Variants in LRP1B observed in about 807,000 individuals in gnomAD.
LRP1B encodes the protein low-density lipoprotein receptor-related protein 1B.
LRP1B carries 217 observed loss-of-function variants against 556.6 expected under a neutral mutation model. That is an observed-to-expected ratio of 0.39 (90% CI 0.35 to 0.44). LRP1B has a LOEUF of 0.44. LRP1B is among the 20% of genes least tolerant of loss of function. The pLI, the probability that LRP1B is intolerant of heterozygous loss-of-function variation, is 1.00. For missense variants in LRP1B, 5,053 were observed against 5,620.8 expected (o/e 0.90, Z 3.23); for synonymous variants, 2,047 against 1,865.8 (o/e 1.10, Z -2.50).
At chr2:141,228,072 G>A (rs187766289) in intron 6 of LRP1B, among the ~76,000 whole-genome samples, 7 of 152,162 alleles carry the variant, frequency 4.6e-5, no homozygotes, top group Admixed American at 3.3e-4. Flanking sequence ...GATTAAAGGC[G>A]TGCACCAGCA....
chr2:141,214,549 G>C (rs989775572), intron 6 of LRP1B, among the ~76,000 whole-genome samples: 2 of 152,152 alleles, frequency 1.3e-5, no homozygotes, highest in Non-Finnish European at 2.9e-5. Flanking sequence ...GGAATAAAGG[G>C]TTAAAAGTCT....
chr2:140,583,171 C>CTTTTCTTTTTTTTTTTT (rs1553491151), intron 43 of LRP1B, among the ~76,000 whole-genome samples: 7 of 48,022 alleles, frequency 1.5e-4, no homozygotes, highest in African/African-American at 4.3e-4. Context: ...CCTTTTTTTT[C>CTTTTCTTTTTTTTTTTT]TTTTTTTTTT....
At chr2:141,983,180 G>GA (rs5834886) in intron 1 of LRP1B, among the ~76,000 whole-genome samples, 1 of 151,852 alleles carries the variant, frequency 6.6e-6, no homozygotes, top group African/African-American at 2.4e-5. Context: ...GACAGAAGTA[G>GA]AAAAAATATC....
intron 1 of LRP1B, among the ~76,000 whole-genome samples, chr2:142,063,669 C>T (rs946136255): frequency 1.3e-5 from 2 of 151,432 alleles, no homozygotes; most frequent in Non-Finnish European, 3.0e-5. Context: ...CTGTTTAATA[C>T]CTAGAAATTT....
At chr2:141,136,063 T>G (rs980913678) in intron 7 of LRP1B, among the ~76,000 whole-genome samples, 1 of 151,880 alleles carries the variant, frequency 6.6e-6, no homozygotes, top group Non-Finnish European at 1.5e-5. Flanking sequence ...TAAGACCAGA[T>G]GAAACTATGA....
At chr2:141,251,728 G>A (rs990198381) in intron 4 of LRP1B, among the ~76,000 whole-genome samples, 5 of 152,068 alleles carry the variant, frequency 3.3e-5, no homozygotes, top group Non-Finnish European at 1.5e-5. Context: ...GGATATACAA[G>A]TAAATAGTGA....
In LRP1B at chr2:140,371,368, G is replaced by A. The variant is rs545777432; in HGVS notation, c.10769-83C>T. The A allele has an allele frequency of 4.4e-5, 25 of 571,128 alleles. No individual in the cohort carries two copies. In the South Asian group the frequency reaches 7.6e-4, roughly 17 times the overall value. 35.4% of individuals were successfully genotyped at this position (571,128 alleles called of 1,614,324 possible). ...TAAAAACATAAACACATAAATATAT[G>A]AATTTATAGATGGTAATAAAAATAG... On this transcript the variant is annotated intron_variant, in intron 69 of 90. Coordinates refer to ENST00000389484, the MANE Select transcript of LRP1B (RefSeq NM_018557.3).
chr2:141,134,245 G>T (rs1296073286), intron 7 of LRP1B, among the ~76,000 whole-genome samples: 2 of 151,528 alleles, frequency 1.3e-5, no homozygotes, highest in East Asian at 3.9e-4. Context: ...TTCTAGTAAG[G>T]TCTCCCTCCT....
rs541643086 is a variant in LRP1B, at chr2:141,096,083, G to T, written c.1014-33810C>A. Among the ~76,000 whole-genome samples the T allele has an allele frequency of 7.9e-5, 12 of 152,006 alleles. No individual in the cohort carries two copies. In the South Asian group the frequency reaches 2.5e-3, roughly 32 times the overall value. On this transcript the variant is annotated intron_variant, in intron 7 of 90. Coordinates refer to ENST00000389484, the MANE Select transcript of LRP1B (RefSeq NM_018557.3). The stretch of plus-strand genomic sequence containing the variant: ...CTGATCATTTTCTGTGCTATTTGAA[G>T]ATGAGAATTCAATTTAGACTTGGAT...
intron 35 of LRP1B, among the ~76,000 whole-genome samples, chr2:140,767,038 G>A (rs1295453345): frequency 6.6e-6 from 1 of 151,512 alleles, no homozygotes; most frequent in Non-Finnish European, 1.5e-5. Flanking sequence ...GAAAAATTAG[G>A]TAACTTACCC....
intron 80 of LRP1B, among the ~76,000 whole-genome samples, chr2:140,325,363 A>ACAAT (rs1261178036): frequency 2.0e-5 from 3 of 152,122 alleles, no homozygotes; most frequent in Admixed American, 1.3e-4. Flanking sequence ...TTCGGTGGTA[A>ACAAT]CAATCATTAC....
intron 1 of LRP1B, among the ~76,000 whole-genome samples, chr2:142,087,094 T>A (rs753248829): frequency 2.0e-5 from 3 of 152,150 alleles, no homozygotes; most frequent in Non-Finnish European, 2.9e-5. Context: ...ATAAATATAG[T>A]AAAGAATGAG....
intron 27 of LRP1B, among the ~76,000 whole-genome samples, chr2:140,864,113 C>T (rs1200065189): frequency 6.6e-6 from 1 of 151,852 alleles, no homozygotes; most frequent in Non-Finnish European, 1.5e-5. Flanking sequence ...TTAGGTTCCT[C>T]ATCTGTGAAA....
intron 62 of LRP1B, among the ~76,000 whole-genome samples, chr2:140,453,751 A>G (rs774894410): frequency 1.4e-4 from 22 of 152,146 alleles, no homozygotes; most frequent in Non-Finnish European, 2.9e-4. Flanking sequence ...TTCTCAGATT[A>G]TGTTTTCAAT....
At chr2:142,027,418 G>T (rs573897419) in intron 1 of LRP1B, among the ~76,000 whole-genome samples, 1 of 151,016 alleles carries the variant, frequency 6.6e-6, no homozygotes, top group Admixed American at 6.6e-5. Context: ...TATATTTATA[G>T]TCTATAAATA....
chr2:140,677,899 A>G (rs1459395054), intron 41 of LRP1B, among the ~76,000 whole-genome samples: 1 of 151,160 alleles, frequency 6.6e-6, no homozygotes, highest in Non-Finnish European at 1.5e-5. Context: ...AAAAAAGCCA[A>G]CATTAATTGA....
intron 2 of LRP1B, among the ~76,000 whole-genome samples, chr2:141,667,407 C>T (rs1179227061): frequency 2.0e-5 from 3 of 152,060 alleles, no homozygotes; most frequent in Non-Finnish European, 1.5e-5. Flanking sequence ...AGAAAATATA[C>T]CACTTCCATA....
chr2:140,703,253 C>A (rs748002744), intron 37 of LRP1B, among the ~76,000 whole-genome samples: 2 of 151,978 alleles, frequency 1.3e-5, no homozygotes, highest in Non-Finnish European at 2.9e-5. Context: ...TTTTAGTAAT[C>A]TTATAAAACA....
rs564223355 is a variant in LRP1B, at chr2:140,453,050, C to T, written c.9964-2389G>A. On this transcript the variant is annotated intron_variant, in intron 62 of 90. Coordinates refer to ENST00000389484, the MANE Select transcript of LRP1B (RefSeq NM_018557.3). ...CTGGGGATATGAGGGAAAGCAGTTA[C>T]CCTTAACATTAAAATTTCTAGTCAT... is the stretch of plus-strand genomic sequence containing the variant. Among the ~76,000 whole-genome samples the T allele has an allele frequency of 4.0e-5, 6 of 149,416 alleles. No homozygotes were observed. In the South Asian group the frequency reaches 8.5e-4, roughly 21 times the overall value.
Sources: gnomAD v4.1 joint callset for allele counts (sites outside exome capture counted in the v4.1 genomes callset) on GRCh38, gnomAD v4.1.1 for gene constraint, MANE v1.5 for transcripts, NCBI Gene and HGNC (gene_info 2026-07-23, HGNC 2026-07-21) for gene names.